The following COL25A1 variants were observed in gnomAD, a reference collection of about 807,000 sequenced individuals.
COL25A1 encodes the protein collagen alpha-1(XXV) chain.
COL25A1 carries 103 observed loss-of-function variants against 128.4 expected under a neutral mutation model. The observed-to-expected ratio is 0.80, with a 90% CI of 0.68 to 0.94. The LOEUF is 0.94. Among genes scored for constraint, COL25A1 ranks in the 40% least tolerant of loss-of-function variants. COL25A1 has a pLI of 0.00. For missense variants in COL25A1, 745 were observed against 840.0 expected, an observed-to-expected ratio of 0.89 and a Z score of 1.40; for synonymous variants, 279 against 277.2, an observed-to-expected ratio of 1.01 and a Z score of -0.06.
chr4:109,052,618 CA>C, intron 3 of COL25A1, among the ~76,000 whole-genome samples: 1 of 152,164 alleles, frequency 6.6e-6, no homozygotes, highest in East Asian at 1.9e-4. Context: ...ATAAATTATA[CA>C]AAACTCTCAG....
intron 3 of COL25A1, among the ~76,000 whole-genome samples, chr4:109,054,844 T>G (rs1761316092): frequency 6.6e-6 from 1 of 152,088 alleles, no homozygotes; most frequent in South Asian, 2.1e-4. Context: ...TAGGGAAGTC[T>G]GGAGGACAAA....
chr4:109,295,066 T>C (rs1724842741), intron 3 of COL25A1, among the ~76,000 whole-genome samples: 1 of 152,104 alleles, frequency 6.6e-6, no homozygotes, highest in South Asian at 2.1e-4. Flanking sequence ...CTACATATAA[T>C]TTGAATGAGC....
intron 3 of COL25A1, among the ~76,000 whole-genome samples, chr4:109,232,372 G>C (rs978334268): frequency 6.6e-6 from 1 of 152,106 alleles, no homozygotes. Context: ...TTTAGATATT[G>C]AATGAGAAAA....
intron 3 of COL25A1, among the ~76,000 whole-genome samples, chr4:109,137,884 T>G (rs1314740842): frequency 1.3e-5 from 2 of 152,152 alleles, no homozygotes; most frequent in Non-Finnish European, 2.9e-5. Context: ...AGGCATGAAG[T>G]TGAAGCATGT....
intron 6 of COL25A1, among the ~76,000 whole-genome samples, chr4:109,006,315 G>T (rs1007035574): frequency 2.5e-4 from 37 of 149,678 alleles, no homozygotes; most frequent in Admixed American, 5.4e-4. Context: ...AGGTTCAAGC[G>T]GTTCTCCTGC....
rs376156848 is a variant in COL25A1, at chr4:109,048,216, G to A, written c.413-41C>T. The A allele has an allele frequency of 2.2e-5, 34 of 1,577,798 alleles. 2 individuals carry two copies. The African/African-American group carries it at 3.0e-4, about 14-fold the overall frequency. On this transcript the variant is annotated intron_variant, in intron 4 of 37. Coordinates refer to ENST00000399132, the MANE Select transcript of COL25A1 (RefSeq NM_198721.4). ...GTGGAGAGAGAAGAGAGAGAGAGGAGTTAGTGAATATGCAAAATATTAAAA... is the reference window on the plus strand; with the variant it reads ...GTGGAGAGAGAAGAGAGAGAGAGGAATTAGTGAATATGCAAAATATTAAAA...
intron 3 of COL25A1, among the ~76,000 whole-genome samples, chr4:109,130,977 G>A (rs967181831): frequency 1.3e-5 from 2 of 152,138 alleles, no homozygotes; most frequent in Non-Finnish European, 2.9e-5. Context: ...AATCATGATA[G>A]TTTTATACCA....
chr4:109,090,148 A>G (rs901567023), intron 3 of COL25A1, among the ~76,000 whole-genome samples: 4 of 152,156 alleles, frequency 2.6e-5, no homozygotes, highest in African/African-American at 9.7e-5. Flanking sequence ...GAATAAAGTT[A>G]TTTCTTAAAC....
At chr4:109,296,741 C>T (rs937182812) in intron 3 of COL25A1, among the ~76,000 whole-genome samples, 4 of 152,064 alleles carry the variant, frequency 2.6e-5, no homozygotes, top group Non-Finnish European at 5.9e-5. Context: ...CCACATTCTT[C>T]GTTCATTACA....
At chr4:109,146,775 G>A (rs960956055) in intron 3 of COL25A1, among the ~76,000 whole-genome samples, 5 of 152,306 alleles carry the variant, frequency 3.3e-5, no homozygotes, top group African/African-American at 4.8e-5. Flanking sequence ...TGCAGAATAT[G>A]AAGTTTCCTT....
intron 3 of COL25A1, among the ~76,000 whole-genome samples, chr4:109,102,732 C>G (rs1766019294): frequency 6.6e-6 from 1 of 152,012 alleles, no homozygotes; most frequent in South Asian, 2.1e-4. Context: ...TGAAATGACC[C>G]ATTTGTCACT....
chr4:108,952,089 A>G (rs1749502048), intron 8 of COL25A1, among the ~76,000 whole-genome samples: 1 of 152,178 alleles, frequency 6.6e-6, no homozygotes, highest in Admixed American at 6.5e-5. Flanking sequence ...AAATGTATTA[A>G]TTATAGAGAA....
chr4:108,822,480 G>A (rs971770728), intron 35 of COL25A1, among the ~76,000 whole-genome samples: 3 of 152,122 alleles, frequency 2.0e-5, no homozygotes, highest in Non-Finnish European at 4.4e-5. Flanking sequence ...ACAGTGGTAT[G>A]AGCATAGCTC....
intron 8 of COL25A1, among the ~76,000 whole-genome samples, chr4:108,944,973 G>A (rs971792259): frequency 6.6e-6 from 1 of 152,164 alleles, no homozygotes; most frequent in African/African-American, 2.4e-5. Flanking sequence ...AAGGGGACAT[G>A]TGGACAGAGT....
chr4:109,194,987 C>A (rs986652955), intron 3 of COL25A1, among the ~76,000 whole-genome samples: 7 of 152,158 alleles, frequency 4.6e-5, no homozygotes, highest in South Asian at 4.2e-4. Context: ...TACAACTCAA[C>A]GGATAAGTGC....
At chr4:109,172,235 T>C (rs1016802183) in intron 3 of COL25A1, among the ~76,000 whole-genome samples, 1 of 152,084 alleles carries the variant, frequency 6.6e-6, no homozygotes, top group African/African-American at 2.4e-5. Context: ...ATAACAAAAA[T>C]AAATAATGCA....
At chr4:109,103,015 C>G (rs935527589) in intron 3 of COL25A1, among the ~76,000 whole-genome samples, 1 of 152,048 alleles carries the variant, frequency 6.6e-6, no homozygotes, top group African/African-American at 2.4e-5. Context: ...CTATAGATAT[C>G]GCACTAGTTT....
Position 109,006,905 on chromosome 4 carries a change from G to GC in COL25A1, c.438+3452_438+3453insG, listed in dbSNP as rs368664096. On this transcript the variant is annotated intron_variant, in intron 6 of 37. Coordinates refer to ENST00000399132, the MANE Select transcript of COL25A1 (RefSeq NM_198721.4). The stretch of plus-strand genomic sequence containing the variant: ...GGGGAGCAACACACATTGGGCACCT[G>GC]TGGGGGCTTGGGGGAAGAAAGAGCA... Among the ~76,000 whole-genome samples, 1,130 of 152,204 alleles carry GC rather than the reference G, an allele frequency of 7.4e-3. 6 individuals are homozygous for GC. Among genetic ancestry groups the GC allele is most frequent in the Non-Finnish European group, 0.012 (827 of 68,022 alleles).
intron 5 of COL25A1, among the ~76,000 whole-genome samples, chr4:109,031,361 C>G (rs1275269306): frequency 6.6e-6 from 1 of 151,894 alleles, no homozygotes; most frequent in African/African-American, 2.4e-5. Flanking sequence ...CGTGATCCGC[C>G]CGCCTCGGCC....
Sources: allele counts gnomAD v4.1 joint callset (sites outside exome capture counted in the v4.1 genomes callset), GRCh38; gene constraint gnomAD v4.1.1; transcripts MANE v1.5; gene names NCBI Gene and HGNC (gene_info 2026-07-23, HGNC 2026-07-21).